ABTB2: variants seen among roughly 807,000 people sequenced by gnomAD.
ABTB2 encodes ankyrin repeat and BTB domain containing 2, also known as ankyrin repeat and BTB/POZ domain-containing protein 2.
A neutral mutation model predicts 104.1 loss-of-function variants in ABTB2; 56 were observed. The ratio of observed to expected loss-of-function variants is 0.54; its 90% CI spans 0.43 to 0.67. The LOEUF is 0.67. Among genes scored for constraint, ABTB2 ranks in the 30% least tolerant of loss-of-function variants. The pLI is 0.00. For synonymous variants in ABTB2, 606 were observed against 608.2 expected, an observed-to-expected ratio of 1.00 and a Z score of 0.05; for missense variants, 1,279 against 1,407.7, an observed-to-expected ratio of 0.91 and a Z score of 1.46.
At chr11:34,203,681 G>C (rs923788708) in intron 2 of ABTB2, among the ~76,000 whole-genome samples, 1 of 152,238 alleles carries the variant, frequency 6.6e-6, no homozygotes, top group East Asian at 1.9e-4. Flanking sequence ...CCTGTCTGTA[G>C]AGGGGGCAGA....
In ABTB2 at chr11:34,172,021, TG is replaced by T. The variant is rs1161599972; in HGVS notation, c.1398-951del. ...AAAATTCATGTCCTAGAATGGGGTT[TG>T]GGCCTTCCGTATGAAGACAGAGGAG... is the stretch of plus-strand genomic sequence containing the variant. On this transcript the variant is annotated intron_variant, in intron 4 of 16. Coordinates refer to ENST00000435224, the MANE Select transcript of ABTB2 (RefSeq NM_145804.3). Among the ~76,000 whole-genome samples, 4 of 152,178 alleles carry T rather than the reference TG, an allele frequency of 2.6e-5. No homozygotes were observed. In the East Asian group the frequency reaches 7.7e-4, roughly 29 times the overall value.
intron 3 of ABTB2, among the ~76,000 whole-genome samples, chr11:34,175,981 C>T (rs1852955841): frequency 1.3e-5 from 2 of 151,964 alleles, no homozygotes; most frequent in African/African-American, 4.8e-5. Flanking sequence ...TCTCTCCCCA[C>T]CCCCCCAAAA....
chr11:34,179,983 T>C (rs559352273), intron 3 of ABTB2, among the ~76,000 whole-genome samples: 1 of 152,364 alleles, frequency 6.6e-6, no homozygotes, highest in East Asian at 1.9e-4. Context: ...TACCATCATA[T>C]TTGGAACATG....
intron 5 of ABTB2, among the ~76,000 whole-genome samples, chr11:34,169,163 C>T (rs930811932): frequency 1.3e-5 from 2 of 152,176 alleles, no homozygotes; most frequent in African/African-American, 4.8e-5. Context: ...ACAGACTTGA[C>T]TTACTTTTTT....
chr11:34,282,598 C>T (rs1041039634), intron 1 of ABTB2, among the ~76,000 whole-genome samples: 30 of 152,058 alleles, frequency 2.0e-4, no homozygotes, highest in Non-Finnish European at 7.4e-5. Flanking sequence ...GCAATCTTGG[C>T]TCACTGCACC....
intron 1 of ABTB2, among the ~76,000 whole-genome samples, chr11:34,338,872 G>A (rs1241386633): frequency 6.6e-6 from 1 of 152,102 alleles, no homozygotes; most frequent in Non-Finnish European, 1.5e-5. Flanking sequence ...CAGAACCTAA[G>A]CCTAGGAATA....
At chr11:34,342,960 TATTC>T (rs1000551081) in intron 1 of ABTB2, among the ~76,000 whole-genome samples, 11 of 115,358 alleles carry the variant, frequency 9.5e-5, no homozygotes, top group Non-Finnish European at 1.9e-4. Flanking sequence ...TTTATTTATT[TATTC>T]GTTCATTCAT....
intron 1 of ABTB2, among the ~76,000 whole-genome samples, chr11:34,346,617 ACC>A (rs1226940749): frequency 2.6e-5 from 4 of 152,212 alleles, no homozygotes; most frequent in African/African-American, 9.7e-5. Context: ...ACAGCGCTCG[ACC>A]TTAGGAAAAT....
At chr11:34,348,134 C>T (rs1351937440) in intron 1 of ABTB2, among the ~76,000 whole-genome samples, 5 of 152,150 alleles carry the variant, frequency 3.3e-5, no homozygotes, top group Non-Finnish European at 7.3e-5. Flanking sequence ...CCCTCACAAC[C>T]CAAGTTTGCT....
chr11:34,290,795 G>A (rs12365593), intron 1 of ABTB2, among the ~76,000 whole-genome samples: 3,353 of 152,272 alleles, frequency 0.022, 85 homozygotes, highest in East Asian at 0.13. Flanking sequence ...TCTTGAACAC[G>A]GATGGATAAG....
intron 1 of ABTB2, among the ~76,000 whole-genome samples, chr11:34,323,395 T>A (rs182028017): frequency 8.3e-4 from 126 of 152,356 alleles, no homozygotes; most frequent in African/African-American, 2.5e-3. Context: ...TATACTTTTT[T>A]AATGTTTTTA....
chr11:34,153,218 C>T (rs889804550), intron 16 of ABTB2, among the ~76,000 whole-genome samples: 4 of 152,184 alleles, frequency 2.6e-5, no homozygotes, highest in Admixed American at 6.5e-5. Context: ...GGTCTGGGCA[C>T]GCTGAGAAGG....
intron 1 of ABTB2, among the ~76,000 whole-genome samples, chr11:34,266,151 T>A (rs1035141926): frequency 6.6e-6 from 1 of 152,178 alleles, no homozygotes; most frequent in Non-Finnish European, 1.5e-5. Flanking sequence ...GGTGCGATCA[T>A]AGCTCATCGT....
At chr11:34,223,184 A>G (rs1472554513) in intron 1 of ABTB2, among the ~76,000 whole-genome samples, 1 of 152,102 alleles carries the variant, frequency 6.6e-6, no homozygotes, top group East Asian at 1.9e-4. Context: ...GCCCACCAAC[A>G]CAGCCGAGGA....
chr11:34,234,104 G>A (rs2064989), intron 1 of ABTB2, among the ~76,000 whole-genome samples: 143,767 of 152,238 alleles, frequency 0.94, 68,110 homozygotes, highest in East Asian at 1. Context: ...ACAGTGCTCT[G>A]GCAAGGCCTT....
chr11:34,249,778 G>A (rs1854033185), intron 1 of ABTB2, among the ~76,000 whole-genome samples: 1 of 152,148 alleles, frequency 6.6e-6, no homozygotes, highest in Admixed American at 6.5e-5. Flanking sequence ...TGAGTGGCTG[G>A]GACTACAGAT....
At chr11:34,268,443 C>T (rs1808986056) in intron 1 of ABTB2, among the ~76,000 whole-genome samples, 1 of 152,232 alleles carries the variant, frequency 6.6e-6, no homozygotes, top group South Asian at 2.1e-4. Flanking sequence ...TCCACTGCAG[C>T]AGCGTGGAAT....
rs763336886 is a variant in ABTB2 at position 34,160,348 on chromosome 11, G to T, written c.2403C>A (p.Asp801Glu). 1 of 1,613,634 alleles carries T rather than the reference G, an allele frequency of 6.2e-7. No individual in the cohort carries two copies. The highest frequency in any genetic ancestry group is 8.5e-7 in the Non-Finnish European group (1 of 1,179,594). The change falls in exon 12 of 17, where the codon GAC becomes GAA. Residue 801 changes from aspartate (D) to glutamate (E), a missense_variant. Transcript: ENST00000435224. The part of the protein sequence containing the change: ...MFDILKTSKN[D>E]SVIQQLATIF... ...TGGTAGCCAGTTGCTGGATGACGGA[G>T]TCGTTCTGTGGGGAGAGGAGAGAGG...
intron 1 of ABTB2, among the ~76,000 whole-genome samples, chr11:34,214,177 A>C (rs914527302): frequency 1.7e-5 from 1 of 57,520 alleles, no homozygotes; most frequent in Admixed American, 1.5e-4. Flanking sequence ...CACACACACA[A>C]AGTAAATGGA....
Sources: allele counts gnomAD v4.1 joint callset (sites outside exome capture counted in the v4.1 genomes callset), GRCh38; gene constraint gnomAD v4.1.1; transcripts MANE v1.5; gene names NCBI Gene and HGNC (gene_info 2026-07-23, HGNC 2026-07-21).